Variants in TENM4 observed in about 807,000 individuals in gnomAD.
The protein encoded by TENM4 is teneurin transmembrane protein 4, also known as teneurin-4.
TENM4 carries 82 observed loss-of-function variants against 243.3 expected under a neutral mutation model. The ratio of observed to expected loss-of-function variants is 0.34; its 90% CI spans 0.28 to 0.40. The LOEUF is 0.40. TENM4 is among the 10% of genes least tolerant of loss of function. TENM4 has a pLI of 1.00. For synonymous variants in TENM4, 1,412 were observed against 1,456.3 expected (o/e 0.97, Z 0.69); for missense variants, 3,138 against 3,673.3 (o/e 0.85, Z 3.77).
chr11:78,965,131 G>A (rs1455651990), intron 6 of TENM4, among the ~76,000 whole-genome samples: 2 of 152,056 alleles, frequency 1.3e-5, no homozygotes, highest in Non-Finnish European at 2.9e-5. Flanking sequence ...GCCTCCCAAA[G>A]TGCAGGGATT....
chr11:79,150,349 G>C (rs557903157), intron 3 of TENM4, among the ~76,000 whole-genome samples: 4 of 152,112 alleles, frequency 2.6e-5, no homozygotes, highest in Non-Finnish European at 4.4e-5. Flanking sequence ...TCTTGCAGGG[G>C]AGAGTGATGT....
chr11:79,197,353 T>A (rs1244698681), intron 3 of TENM4, among the ~76,000 whole-genome samples: 9 of 151,108 alleles, frequency 6.0e-5, no homozygotes, highest in South Asian at 2.1e-4. Flanking sequence ...TTTTTTTTTT[T>A]AAAAAGCCCC....
At chr11:78,995,074 T>C (rs995517016) in intron 6 of TENM4, among the ~76,000 whole-genome samples, 1 of 152,194 alleles carries the variant, frequency 6.6e-6, no homozygotes, top group Non-Finnish European at 1.5e-5. Flanking sequence ...GTAAGGGAGA[T>C]GGACTTGGAA....
intron 3 of TENM4, among the ~76,000 whole-genome samples, chr11:79,204,636 T>C (rs1454703396): frequency 6.6e-6 from 1 of 152,172 alleles, no homozygotes; most frequent in Non-Finnish European, 1.5e-5. Flanking sequence ...GATATACTGC[T>C]TGAGGGAGAA....
At chr11:78,974,730 T>C (rs1446679242) in intron 6 of TENM4, among the ~76,000 whole-genome samples, 1 of 150,978 alleles carries the variant, frequency 6.6e-6, no homozygotes, top group Non-Finnish European at 1.5e-5. Flanking sequence ...TTTCTTTTTT[T>C]TTTTTTTTGA....
Position 78,702,136 on chromosome 11 carries a change from G to A in TENM4, c.4477C>T (p.Arg1493Cys), listed in dbSNP as rs767614186. 8 of 1,613,888 alleles carry A rather than the reference G, an allele frequency of 5.0e-6. No homozygotes were observed. The highest frequency in any genetic ancestry group is 1.6e-4 in the Middle Eastern group (1 of 6,062). The change falls in exon 28 of 34, where the codon CGC (arginine) becomes TGC (cysteine). Residue 1493 changes from arginine to cysteine, a missense_variant. By Grantham distance (180) the Arg-to-Cys change is radical. Around this residue, in one of 2 missense-constraint regions of TENM4, gnomAD observed 2,467 missense variants for 3,059.1 expected, o/e 0.81. Transcript: ENST00000278550. ...IAETDEKKIN[R>C]IRQVTTSGEI... ...CCACTAGTGGTGACCTGCCTGATGC[G>A]GTTGATCTTTTTCTCATCAGTCTCA... is the stretch of plus-strand genomic sequence containing the variant.
intron 28 of TENM4, among the ~76,000 whole-genome samples, chr11:78,692,404 C>T (rs926498296): frequency 5.9e-5 from 9 of 152,120 alleles, no homozygotes; most frequent in Non-Finnish European, 1.0e-4. Flanking sequence ...ATCATATAAC[C>T]TCGGTGAGCC....
intron 1 of TENM4, among the ~76,000 whole-genome samples, chr11:79,303,446 G>A (rs922515823): frequency 1.1e-4 from 17 of 152,186 alleles, no homozygotes; most frequent in African/African-American, 4.1e-4. Flanking sequence ...ACAAATGTTG[G>A]TGAATATTAT....
intron 28 of TENM4, among the ~76,000 whole-genome samples, chr11:78,693,516 G>A (rs2135738002): frequency 1.3e-5 from 2 of 152,322 alleles, no homozygotes; most frequent in Middle Eastern, 6.8e-3. Context: ...AGTCTCAGGT[G>A]GGTCAAGAAG....
Position 78,732,320 on chromosome 11 carries a change from A to C in TENM4, c.3134T>G (p.Ile1045Ser). ...CAEKGPIVPE[I>S]QALQEEISIS... ...GCAATTAGGAAAGCTGGGTACCTGA[A>C]TTTCCGGCACAATGGGGCCTTTCTC... Residue 1045 changes from isoleucine to serine, a missense_variant, in exon 21 of 34, where the codon ATT becomes AGT. By Grantham distance (142) the Ile-to-Ser change is moderately radical. Transcript: ENST00000278550. 1 of 1,593,024 alleles carries C rather than the reference A, an allele frequency of 6.3e-7. No homozygotes were observed. The highest frequency in any genetic ancestry group is 8.6e-7 in the Non-Finnish European group (1 of 1,165,462).
In TENM4 at chr11:78,978,035, T is replaced by A. The variant is rs370895300; in HGVS notation, c.494-74512A>T. Among the ~76,000 whole-genome samples the A allele has an allele frequency of 2.6e-5, 4 of 152,220 alleles. No homozygotes were observed. The East Asian group carries it at 7.7e-4, about 29-fold the overall frequency. On this transcript the variant is annotated intron_variant, in intron 6 of 33. Coordinates refer to ENST00000278550, the MANE Select transcript of TENM4 (RefSeq NM_001098816.3). The stretch of plus-strand genomic sequence containing the variant: ...AATACTATGCAGCCATGAAAAAGGA[T>A]GAGTTCATGTCCTTCTCAGGGACAT...
At chr11:78,935,414 C>T (rs1271659427) in intron 6 of TENM4, among the ~76,000 whole-genome samples, 3 of 152,328 alleles carry the variant, frequency 2.0e-5, no homozygotes, top group Admixed American at 6.5e-5. Flanking sequence ...ATTCCTTGTA[C>T]TCCAATAACT....
chr11:79,000,484 A>T (rs1858289057), intron 6 of TENM4, among the ~76,000 whole-genome samples: 1 of 152,188 alleles, frequency 6.6e-6, no homozygotes, highest in African/African-American at 2.4e-5. Flanking sequence ...AAAAATAGCA[A>T]AAGAAAGAAG....
chr11:79,439,419 T>C (rs1444291131), intron 1 of TENM4, among the ~76,000 whole-genome samples: 2 of 152,088 alleles, frequency 1.3e-5, no homozygotes, highest in East Asian at 1.9e-4. Context: ...CTCATCCACA[T>C]GGACGCGGGT....
chr11:78,880,454 TACTAAAAAA>T (rs1859401825), intron 9 of TENM4, among the ~76,000 whole-genome samples: 1 of 33,416 alleles, frequency 3.0e-5, no homozygotes, highest in African/African-American at 5.7e-4. Flanking sequence ...GATCAATAAA[TACTAAAAAA>T]AAAAAAAAAA....
intron 4 of TENM4, among the ~76,000 whole-genome samples, chr11:79,144,934 A>C (rs368025982): frequency 6.6e-6 from 1 of 152,066 alleles, no homozygotes; most frequent in East Asian, 1.9e-4. Context: ...GTATAATTTC[A>C]ATATTTATAA....
chr11:79,299,093 C>T (rs1856509397), intron 1 of TENM4, among the ~76,000 whole-genome samples: 1 of 152,032 alleles, frequency 6.6e-6, no homozygotes, highest in African/African-American at 2.4e-5. Flanking sequence ...CACATACACA[C>T]ACACATACAT....
intron 19 of TENM4, among the ~76,000 whole-genome samples, chr11:78,742,362 CT>C (rs1855949095): frequency 6.6e-6 from 1 of 152,156 alleles, no homozygotes; most frequent in African/African-American, 2.4e-5. Context: ...AATCTTACTA[CT>C]GTGTTATGTA....
At chr11:79,359,623 A>C (rs1388850113) in intron 1 of TENM4, among the ~76,000 whole-genome samples, 1 of 152,188 alleles carries the variant, frequency 6.6e-6, no homozygotes, top group East Asian at 1.9e-4. Flanking sequence ...AATTAATAGA[A>C]CAAGTCTGCT....
Sources: allele counts gnomAD v4.1 joint callset (sites outside exome capture counted in the v4.1 genomes callset), GRCh38; gene constraint gnomAD v4.1.1; regional missense constraint gnomAD v4.1.1; transcripts MANE v1.5; gene names NCBI Gene and HGNC (gene_info 2026-07-23, HGNC 2026-07-21).